Variants in NOC3L observed in about 807,000 individuals in gnomAD.
NOC3L encodes the protein nucleolar complex protein 3 homolog.
In NOC3L, 85 loss-of-function variants were observed where a neutral mutation model predicts 102.5. The observed-to-expected ratio is 0.83, with a 90% CI of 0.70 to 0.99. NOC3L has a LOEUF of 0.99. Ranked by LOEUF, NOC3L falls within the 50% of genes least tolerant of loss-of-function variation. NOC3L has a pLI of 0.00. For missense variants in NOC3L, 878 were observed against 914.9 expected (o/e 0.96, Z 0.52); for synonymous variants, 303 against 309.4 (o/e 0.98, Z 0.22).
chr10:94,316,723 C>T, the NOC3L span: 6 of 1,613,942 alleles, frequency 3.7e-6, no homozygotes, highest in Non-Finnish European at 5.1e-6. Context: ...AAGAGGGATA[C>T]ATGGGCAGGA....
downstream of NOC3L, chr10:94,329,011 T>A (rs1377170827): frequency 6.6e-6 from 1 of 152,226 alleles, no homozygotes; most frequent in Non-Finnish European, 1.5e-5. Context: ...GACACTATAC[T>A]TATATATTTA....
rs1289244505 is a variant in NOC3L at position 94,356,627 on chromosome 10, A to C, written c.509-36T>G. The C allele has an allele frequency of 4.1e-6, 5 of 1,219,612 alleles. No homozygotes were observed. In the Admixed American group the frequency reaches 5.4e-5, roughly 13 times the overall value. 75.5% of individuals were successfully genotyped at this position (1,219,612 alleles called of 1,614,324 possible). A position where few individuals can be genotyped will look rare whatever the true frequency, so the allele number is the denominator to read the frequency against. ...AACATATGTATTAAAACTGTGATAT[A>C]TACTTAAGTGGTAAAAACTGTAAAG... On this transcript the variant is annotated intron_variant, in intron 4 of 20. Coordinates refer to ENST00000371361, the MANE Select transcript of NOC3L (RefSeq NM_022451.11).
rs769617805 is a variant in NOC3L at position 94,349,232 on chromosome 10, A to G, written c.1257+18T>C. The G allele has an allele frequency of 2.0e-5, 10 of 503,016 alleles. No individual in the cohort carries two copies. In the East Asian group the frequency reaches 2.5e-4, roughly 12 times the overall value. The allele number at this position is 503,016 out of a possible 1,614,324, so 31.2% of individuals were successfully genotyped here. A position where few individuals can be genotyped will look rare whatever the true frequency, so the allele number is the denominator to read the frequency against. ...GTAATTTAAAAACAAAATGCAAAGT[A>G]AAAAAAAAAAGGCTCACCTCTGGCC... is the stretch of plus-strand genomic sequence containing the variant. On this transcript the variant is annotated intron_variant, in intron 10 of 20. Transcript: ENST00000371361.
At chr10:94,320,943 A>C in the NOC3L span, among the ~76,000 whole-genome samples, 49 of 152,338 alleles carry the variant, frequency 3.2e-4, no homozygotes, top group South Asian at 3.5e-3. Context: ...GAAGGAAAAA[A>C]GATGAGAATG....
At chr10:94,315,769 CAAAAAAA>C in the NOC3L span, among the ~76,000 whole-genome samples, 3,243 of 122,884 alleles carry the variant, frequency 0.026, 54 homozygotes, top group Non-Finnish European at 0.037. Context: ...GACTCTGTCT[CAAAAAAA>C]AAAAAAAAAA....
At chr10:94,360,405 G>A (rs1484685011) in intron 2 of NOC3L, among the ~76,000 whole-genome samples, 1 of 152,126 alleles carries the variant, frequency 6.6e-6, no homozygotes, top group Non-Finnish European at 1.5e-5. Context: ...GAGATCCTGT[G>A]TGCAACAACA....
chr10:94,346,497 T>G lies in NOC3L; in HGVS notation c.1317A>C (p.Glu439Asp). 2 of 1,486,246 alleles carry G rather than the reference T, an allele frequency of 1.3e-6. No homozygotes were observed. Among genetic ancestry groups the G allele is most frequent in the Non-Finnish European group, 1.8e-6 (2 of 1,103,324 alleles). 92.1% of individuals were successfully genotyped at this position (1,486,246 alleles called of 1,614,324 possible). A position where few individuals can be genotyped will look rare whatever the true frequency, so the allele number is the denominator to read the frequency against. The change falls in exon 11 of 21, where the codon GAA (glutamate) becomes GAC (aspartate). Residue 439 changes from glutamate (E) to aspartate (D), a missense_variant. Transcript: ENST00000371361. The stretch of plus-strand genomic sequence containing the variant: ...TAAATTTTTTTGGTTTATTAATGTC[T>G]TCTGTATCTTTTTTCACTTCTACTT... Reference protein sequence around the residue: ...IKEVEVKKDTEDINKPKKFMT... With the variant: ...IKEVEVKKDTDDINKPKKFMT...
At chr10:94,355,402 T>C (rs1270917171) in intron 5 of NOC3L, among the ~76,000 whole-genome samples, 3 of 151,914 alleles carry the variant, frequency 2.0e-5, no homozygotes, top group Non-Finnish European at 4.4e-5. Flanking sequence ...TTTTTTTTTT[T>C]TTTTTTGAGA....
intron 2 of NOC3L, 195 bp downstream of exon 2, chr10:94,361,470 T>C: frequency 1.7e-6 from 1 of 574,542 alleles, no homozygotes; most frequent in Non-Finnish European, 3.1e-6. Context: ...ATGAATACTG[T>C]ATTGAAATGT....
rs1170755229 is a variant in NOC3L at position 94,343,084 on chromosome 10, C to CA, written c.1571+1330dup. Among the ~76,000 whole-genome samples the CA allele has an allele frequency of 8.2e-3, 769 of 94,204 alleles. 7 individuals are homozygous for CA. Among genetic ancestry groups the CA allele is most frequent in the Admixed American group, 0.02 (184 of 9,348 alleles). 61.8% of individuals were successfully genotyped at this position (94,204 alleles called of 152,430 possible). On this transcript the variant is annotated intron_variant, in intron 13 of 20. Transcript: ENST00000371361. ...GAGCAACAGAGCAAGACAGTGTCTCCAAAAAAAAAAAAAAAGGTGGCAGAT... is the reference window on the plus strand; with the variant it reads ...GAGCAACAGAGCAAGACAGTGTCTCCAAAAAAAAAAAAAAAAGGTGGCAGAT...
At chr10:94,322,195 T>TA in the NOC3L span, 2 of 838,454 alleles carry the variant, frequency 2.4e-6, no homozygotes, top group Admixed American at 2.0e-5. Flanking sequence ...GTGTGCCTCT[T>TA]AAGGCTGGGA....
chr10:94,335,544 C>T (rs1341395923), intron 19 of NOC3L, among the ~76,000 whole-genome samples: 1 of 152,128 alleles, frequency 6.6e-6, no homozygotes, highest in African/African-American at 2.4e-5. Flanking sequence ...AAAGTTATCT[C>T]CATCCTACTC....
chr10:94,317,735 T>C, the NOC3L span, among the ~76,000 whole-genome samples: 1 of 151,910 alleles, frequency 6.6e-6, no homozygotes, highest in Admixed American at 6.6e-5. Context: ...ATGAAGCACT[T>C]TTTTTTTTCC....
At chr10:94,358,781 A>C (rs1013976904) in intron 2 of NOC3L, among the ~76,000 whole-genome samples, 2 of 152,076 alleles carry the variant, frequency 1.3e-5, no homozygotes, top group African/African-American at 4.8e-5. Flanking sequence ...GTAACCTTTC[A>C]ATCCACTGAC....
At chr10:94,339,315 GTGTT>G (rs2054255837) in intron 17 of NOC3L, among the ~76,000 whole-genome samples, 1 of 150,800 alleles carries the variant, frequency 6.6e-6, no homozygotes, top group Non-Finnish European at 1.5e-5. Context: ...CAGAACTATG[GTGTT>G]TGTTAAGCAA....
intron 18 of NOC3L, 37 bp downstream of exon 18, chr10:94,338,571 A>G: frequency 6.9e-7 from 1 of 1,458,596 alleles, no homozygotes; most frequent in Non-Finnish European, 9.1e-7. Flanking sequence ...TTATTCACAA[A>G]CATCCCCAAA....
At chr10:94,322,004 C>T in the NOC3L span, 61 of 1,614,018 alleles carry the variant, frequency 3.8e-5, no homozygotes, top group East Asian at 1.3e-3. Context: ...CCAGAGCAAC[C>T]TCGAACAGTC....
At chr10:94,322,359 A>G in the NOC3L span, among the ~76,000 whole-genome samples, 2 of 148,324 alleles carry the variant, frequency 1.3e-5, no homozygotes, top group African/African-American at 4.9e-5. Context: ...TCTCTAATTG[A>G]AAAAAAAAAC....
intron 7 of NOC3L, 88 bp from the exon 8 acceptor site, chr10:94,352,491 C>G (rs974632397): frequency 1.6e-5 from 13 of 829,070 alleles, no homozygotes; most frequent in Non-Finnish European, 2.3e-5. Flanking sequence ...CTAGTATACA[C>G]CCAGTACTAT....
Sources: gnomAD v4.1 joint callset for allele counts (sites outside exome capture counted in the v4.1 genomes callset) on GRCh38, gnomAD v4.1.1 for gene constraint, MANE v1.5 for transcripts, NCBI Gene and HGNC (gene_info 2026-07-23, HGNC 2026-07-21) for gene names.